RBFOX1: variants seen among roughly 807,000 people sequenced by gnomAD.
The protein encoded by RBFOX1 is RNA binding fox-1 homolog 1.
In RBFOX1, 8 loss-of-function variants were observed where a neutral mutation model predicts 57.7. The ratio of observed to expected loss-of-function variants is 0.14; its 90% CI spans 0.08 to 0.25. The LOEUF is 0.25. Ranked by LOEUF, RBFOX1 falls within the 10% of genes least tolerant of loss-of-function variation. The pLI, the probability that RBFOX1 is intolerant of heterozygous loss-of-function variation, is 1.00. For missense variants in RBFOX1, 611 were observed against 548.5 expected (o/e 1.11, Z -1.14); for synonymous variants, 326 against 222.4 (o/e 1.47, Z -4.15).
intron 1 of RBFOX1, among the ~76,000 whole-genome samples, chr16:6,218,982 T>G (rs1418440817): frequency 6.6e-6 from 1 of 152,148 alleles, no homozygotes; most frequent in Non-Finnish European, 1.5e-5. Flanking sequence ...GTAGCACGTA[T>G]GTCAAAATGT....
At chr16:5,428,809 T>C (rs1423189603) in intron 1 of RBFOX1, among the ~76,000 whole-genome samples, 2 of 152,290 alleles carry the variant, frequency 1.3e-5, no homozygotes, top group East Asian at 1.9e-4. Context: ...TATGATTTTT[T>C]TGGGGACTGT....
chr16:6,919,834 A>T (rs950396749), intron 3 of RBFOX1, among the ~76,000 whole-genome samples: 2 of 141,918 alleles, frequency 1.4e-5, no homozygotes, highest in Admixed American at 1.5e-4. Context: ...GTTTTTGTTA[A>T]ATGGTTAAGT....
At chr16:7,404,898 A>G (rs902408566) in intron 4 of RBFOX1, among the ~76,000 whole-genome samples, 29 of 152,214 alleles carry the variant, frequency 1.9e-4, no homozygotes, top group African/African-American at 6.5e-4. Flanking sequence ...TCCTGGGTCA[A>G]TGGATTTTAT....
At chr16:5,555,933 A>C (rs944768371) in intron 2 of RBFOX1, among the ~76,000 whole-genome samples, 3 of 152,094 alleles carry the variant, frequency 2.0e-5, no homozygotes, top group Admixed American at 1.3e-4. Flanking sequence ...AGACGGGAGA[A>C]TCGCTTGAAC....
At chr16:6,353,680 G>C (rs1448578368) in intron 2 of RBFOX1, among the ~76,000 whole-genome samples, 1 of 152,058 alleles carries the variant, frequency 6.6e-6, no homozygotes, top group Non-Finnish European at 1.5e-5. Context: ...CTAGCCCTTT[G>C]TTCCCTGTAG....
intron 4 of RBFOX1, among the ~76,000 whole-genome samples, chr16:5,936,968 C>G (rs2152258332): frequency 6.6e-6 from 1 of 152,328 alleles, no homozygotes; most frequent in South Asian, 2.1e-4. Context: ...TTACATATTT[C>G]TGCTCCTATA....
intron 3 of RBFOX1, among the ~76,000 whole-genome samples, chr16:6,672,845 C>G (rs956509359): frequency 2.9e-4 from 44 of 152,246 alleles, no homozygotes; most frequent in Middle Eastern, 6.8e-3. Context: ...CTTAGGTGGA[C>G]CTATCTCTGA....
chr16:5,246,080 A>G (rs1204473899), intron 1 of RBFOX1, among the ~76,000 whole-genome samples: 3 of 152,098 alleles, frequency 2.0e-5, no homozygotes, highest in Non-Finnish European at 4.4e-5. Flanking sequence ...TGTCTCTACT[A>G]AAAATACAAA....
chr16:5,949,140 C>A (rs140734676), intron 4 of RBFOX1, among the ~76,000 whole-genome samples: 10 of 152,122 alleles, frequency 6.6e-5, no homozygotes, highest in African/African-American at 1.2e-4. Context: ...GGGTATTCTC[C>A]CATATAACCA....
intron 4 of RBFOX1, among the ~76,000 whole-genome samples, chr16:7,329,118 G>A (rs2096650888): frequency 6.6e-6 from 1 of 152,188 alleles, no homozygotes; most frequent in Admixed American, 6.5e-5. Context: ...AGCAGTTGCA[G>A]CAGAGATTGT....
chr16:6,621,833 A>C (rs539501676), intron 2 of RBFOX1, among the ~76,000 whole-genome samples: 5 of 152,158 alleles, frequency 3.3e-5, no homozygotes, highest in Non-Finnish European at 5.9e-5. Flanking sequence ...CACACATCAC[A>C]CAAAACCTAT....
chr16:7,524,128 C>T (rs899298267), intron 5 of RBFOX1, among the ~76,000 whole-genome samples: 1 of 152,224 alleles, frequency 6.6e-6, no homozygotes, highest in African/African-American at 2.4e-5. Flanking sequence ...ATTCTAAGGA[C>T]ATCGTAGAGG....
intron 3 of RBFOX1, among the ~76,000 whole-genome samples, chr16:6,858,905 G>T (rs1462983488): frequency 6.6e-6 from 1 of 151,592 alleles, no homozygotes; most frequent in Non-Finnish European, 1.5e-5. Context: ...GTATCATGTG[G>T]TCAGTAAGTT....
intron 3 of RBFOX1, among the ~76,000 whole-genome samples, chr16:6,834,676 T>C (rs534119635): frequency 4.6e-5 from 7 of 152,232 alleles, no homozygotes; most frequent in Non-Finnish European, 8.8e-5. Flanking sequence ...AATTATAAAA[T>C]TTAGAATAAT....
chr16:7,021,436 GT>G (rs2039033968), intron 3 of RBFOX1, among the ~76,000 whole-genome samples: 1 of 141,832 alleles, frequency 7.1e-6, no homozygotes, highest in Non-Finnish European at 1.5e-5. Flanking sequence ...TTGTATATAT[GT>G]TTTATATATC....
intron 2 of RBFOX1, among the ~76,000 whole-genome samples, chr16:5,477,674 G>T (rs888520410): frequency 1.3e-5 from 2 of 152,120 alleles, no homozygotes; most frequent in Non-Finnish European, 2.9e-5. Flanking sequence ...CTATCTGGGG[G>T]CTGGGGTGCA....
At chr16:5,675,572 G>A (rs2050142688) in intron 3 of RBFOX1, among the ~76,000 whole-genome samples, 2 of 152,292 alleles carry the variant, frequency 1.3e-5, no homozygotes, top group South Asian at 4.1e-4. Context: ...TGGGGAAAAC[G>A]AGCTGTTTAT....
intron 9 of RBFOX1, among the ~76,000 whole-genome samples, chr16:7,600,691 G>A (rs963866794): frequency 6.6e-6 from 1 of 152,178 alleles, no homozygotes; most frequent in Non-Finnish European, 1.5e-5. Context: ...ATCAATGCCA[G>A]CATCACCTTC....
At chr16:5,827,058 C>T (rs1455809634) in intron 3 of RBFOX1, among the ~76,000 whole-genome samples, 2 of 152,132 alleles carry the variant, frequency 1.3e-5, no homozygotes, top group Non-Finnish European at 2.9e-5. Flanking sequence ...TATTCTTTCT[C>T]CTGTTGACCA....
Sources: gnomAD v4.1 joint callset for allele counts (sites outside exome capture counted in the v4.1 genomes callset) on GRCh38, gnomAD v4.1.1 for gene constraint, MANE v1.5 for transcripts, NCBI Gene and HGNC (gene_info 2026-07-23, HGNC 2026-07-21) for gene names.